Variants in MCM2 observed in about 807,000 individuals in gnomAD.
MCM2 encodes the protein minichromosome maintenance complex component 2, also known as DNA replication licensing factor MCM2.
Under a neutral mutation model 86.4 loss-of-function variants are expected in MCM2, and 49 were observed. The observed-to-expected ratio is 0.57, with a 90% CI of 0.45 to 0.72. MCM2 has a LOEUF of 0.72. MCM2 is among the 30% of genes least tolerant of loss of function. The pLI is 0.00. For synonymous variants in MCM2, 475 were observed against 484.6 expected, an observed-to-expected ratio of 0.98 and a Z score of 0.26; for missense variants, 1,038 against 1,259.9, an observed-to-expected ratio of 0.82 and a Z score of 2.67.
At chr3:127,603,592 C>A (rs2074321844) in intron 2 of MCM2, among the ~76,000 whole-genome samples, 1 of 152,158 alleles carries the variant, frequency 6.6e-6, no homozygotes, top group African/African-American at 2.4e-5. Context: ...CTCAAGCAAT[C>A]CTCCCAGCTC....
Position 127,621,108 on chromosome 3 carries a change from CAAT to C in MCM2, c.2485_2487del (p.Asn829del), listed in dbSNP as rs774812521. ...GCTACCTTTCATTCCGGCGTGACAA[CAAT>C]GAGCTGTTGCTCTTCATACTGAAGC... is the stretch of plus-strand genomic sequence containing the variant. On this transcript the variant is annotated inframe_deletion, in exon 15 of 16. Coordinates refer to ENST00000265056, the MANE Select transcript of MCM2 (RefSeq NM_004526.4). 1.6e-5 allele frequency: 26 copies of C among 1,614,120 alleles called. No individual in the cohort carries two copies. In the Admixed American group the frequency reaches 1.7e-4, roughly 10 times the overall value.
intron 2 of MCM2, among the ~76,000 whole-genome samples, chr3:127,600,145 G>A (rs2074296965): frequency 6.6e-6 from 1 of 152,192 alleles, no homozygotes; most frequent in South Asian, 2.1e-4. Context: ...GCTGTGCATG[G>A]TGGTGCGTGC....
rs1179846371 is a variant in MCM2, at chr3:127,619,153, C to A, written c.2140C>A (p.Pro714Thr). The part of the protein sequence containing the change: ...PAMPNTYGVE[P>T]LPQEVLKKYI... ...CATGCCCAACACGTATGGCGTGGAG[C>A]CCCTGCCCCAGGAGGTCCTGAAGAA... is the stretch of plus-strand genomic sequence containing the variant. Residue 714 changes from proline to threonine, a missense_variant, in exon 13 of 16, where the codon CCC becomes ACC. By Grantham distance (38) the Pro-to-Thr change is conservative (BLOSUM62 -1). Coordinates refer to ENST00000265056, the MANE Select transcript of MCM2 (RefSeq NM_004526.4). 2 of 1,614,030 alleles carry A rather than the reference C, an allele frequency of 1.2e-6. No homozygotes were observed. The highest frequency in any genetic ancestry group is 1.7e-6 in the Non-Finnish European group (2 of 1,180,048).
Position 127,606,170 on chromosome 3 carries a change from C to T in MCM2, c.726C>T (p.His242=), listed in dbSNP as rs371226878. The change falls in exon 5 of 16, where the codon CAC becomes CAT. Residue 242 remains histidine, a synonymous_variant. Coordinates refer to ENST00000265056, the MANE Select transcript of MCM2 (RefSeq NM_004526.4). This position sits in a 1 kb window ranked among gnomAD's most constrained non-coding sequence, Gnocchi z 4.2. ...VNYEDLAARE[H]VLAYFLPEAP... ...ATGAGGACTTGGCAGCCAGGGAGCA[C>T]GTGCTGGCCTACTTCCTGCCTGAGG... 3.5e-5 allele frequency: 57 copies of T among 1,614,074 alleles called. No homozygotes were observed. Among genetic ancestry groups the T allele is most frequent in the Admixed American group, 3.3e-4 (20 of 60,002 alleles).
Position 127,604,914 on chromosome 3 carries a change from A to C in MCM2, c.431A>C (p.Glu144Ala). Residue 144 changes from glutamate to alanine, a missense_variant, in exon 4 of 16, where the codon GAG (glutamate) becomes GCG (alanine). Glu to Ala is a moderately radical substitution (Grantham distance 107). Transcript: ENST00000265056. ...TCCCCAGACAGCGATGAGGAGGACG[A>C]GGAGCGCCCTGCCCGCAAGCGCCGC... ...GLLYDSDEED[E>A]ERPARKRRQV... 6.2e-7 allele frequency: 1 copy of C among 1,612,548 alleles called. No homozygotes were observed. Among genetic ancestry groups the C allele is most frequent in the Non-Finnish European group, 8.5e-7 (1 of 1,179,334 alleles).
chr3:127,616,657 A>G (rs1030988867), intron 9 of MCM2, among the ~76,000 whole-genome samples: 3 of 152,226 alleles, frequency 2.0e-5, no homozygotes, highest in Non-Finnish European at 1.5e-5. Context: ...CGCCAAGGAC[A>G]TCTCGTGCAA....
intron 7 of MCM2, 146 bp from the exon 8 acceptor site, chr3:127,608,686 G>T: frequency 8.5e-7 from 1 of 1,180,392 alleles, no homozygotes; most frequent in Non-Finnish European, 1.2e-6. Context: ...TTGTTGGAAT[G>T]GTGGGTTTAG....
chr3:127,619,116 T>C lies in MCM2; in HGVS notation c.2103T>C (p.Ala701=). ...AGGAGGGGCTGGCCAATGGCAGCGC[T>C]GCTGAGCCCGCCATGCCCAACACGT... ...KEEEGLANGS[A]AEPAMPNTYG... The change falls in exon 13 of 16, where the codon GCT becomes GCC. Residue 701 remains alanine (A), a synonymous_variant. Transcript: ENST00000265056. 2 of 1,613,406 alleles carry C rather than the reference T, an allele frequency of 1.2e-6. No individual in the cohort carries two copies. The highest frequency in any genetic ancestry group is 1.3e-5 in the African/African-American group (1 of 75,034).
At chr3:127,620,615 C>A in intron 13 of MCM2, 83 bp from the exon 14 acceptor site, 1 of 1,431,230 alleles carries the variant, frequency 7.0e-7, no homozygotes, top group African/African-American at 1.4e-5. Context: ...CTTCTTGGCT[C>A]TGGGTGCTAA....
At position 127,618,989 on chromosome 3, in the gene MCM2, A is replaced by C; in HGVS notation, c.2014-38A>C. The C allele has an allele frequency of 6.5e-7, 1 of 1,534,620 alleles. No individual in the cohort carries two copies. Among genetic ancestry groups the C allele is most frequent in the South Asian group, 1.3e-5 (1 of 79,896 alleles). ...CACTGACCTCCCCAAAGCCACGCAC[A>C]CCCACAATCAGACCCACCCTCTCAT... On this transcript the variant is annotated intron_variant, in intron 12 of 15. Coordinates refer to ENST00000265056, the MANE Select transcript of MCM2 (RefSeq NM_004526.4). This position sits in a 1 kb window ranked among gnomAD's most constrained non-coding sequence, Gnocchi z 4.0.
Position 127,605,168 on chromosome 3 carries a change from C to T in MCM2, c.673+12C>T, listed in dbSNP as rs957983074. ...CGACATGTGCAAAGGTGTGGCTTCC[C>T]TACGCCCCCGCCTCAGCCCCTGTAG... On this transcript the variant is annotated intron_variant, in intron 4 of 15. Coordinates refer to ENST00000265056, the MANE Select transcript of MCM2 (RefSeq NM_004526.4). 1.2e-6 allele frequency: 2 copies of T among 1,608,934 alleles called. No individual in the cohort carries two copies. The highest frequency in any genetic ancestry group is 4.5e-5 in the East Asian group (2 of 44,736).
rs572919483 is a variant in MCM2, at chr3:127,604,747, C to G, written c.376C>G (p.Arg126Gly). 2 of 1,606,892 alleles carry G rather than the reference C, an allele frequency of 1.2e-6. No individual in the cohort carries two copies. The highest frequency in any genetic ancestry group is 2.2e-5 in the East Asian group (1 of 44,640). The change falls in exon 3 of 16, where the codon CGG becomes GGG. Residue 126 changes from arginine (R) to glycine (G), a missense_variant. By Grantham distance (125) the Arg-to-Gly change is moderately radical. Around this residue, in one of 4 missense-constraint regions of MCM2, gnomAD observed 300 missense variants for 307.4 expected, o/e 0.98. Coordinates refer to ENST00000265056, the MANE Select transcript of MCM2 (RefSeq NM_004526.4). ...AMRQRDREAGRGLGRMRRGLL... is the reference protein window; with the variant it reads ...AMRQRDREAGGGLGRMRRGLL... The stretch of plus-strand genomic sequence containing the variant: ...GCGGCAGCGTGACCGGGAGGCTGGC[C>G]GGGGCCTGGGCCGCATGCGCCGTGG...
intron 13 of MCM2, 122 bp downstream of exon 13, chr3:127,619,400 TAAAA>T (rs569043616): frequency 1.9e-6 from 2 of 1,068,008 alleles, no homozygotes; most frequent in Non-Finnish European, 2.5e-6. Flanking sequence ...AGGGAGGCAT[TAAAA>T]AAAAAATGTA....
At chr3:127,611,228 G>T (rs1463791430) in intron 8 of MCM2, among the ~76,000 whole-genome samples, 1 of 152,166 alleles carries the variant, frequency 6.6e-6, no homozygotes, top group Admixed American at 6.5e-5. Flanking sequence ...TTCAGGCTTG[G>T]GTGGACTTGG....
At chr3:127,609,698 A>C (rs2074378347) in intron 8 of MCM2, among the ~76,000 whole-genome samples, 1 of 152,070 alleles carries the variant, frequency 6.6e-6, no homozygotes, top group Admixed American at 6.6e-5. Context: ...ACTTAAACAG[A>C]ACGTTAAATT....
chr3:127,601,012 C>T (rs577257540), intron 2 of MCM2, among the ~76,000 whole-genome samples: 3 of 152,234 alleles, frequency 2.0e-5, no homozygotes, highest in South Asian at 2.1e-4. Flanking sequence ...AGAACAGGGC[C>T]GTTTTCCCAT....
rs1340122155 is a variant in MCM2, at chr3:127,598,455, C to G, written c.-12C>G. The G allele has an allele frequency of 2.5e-6, 4 of 1,613,396 alleles. No homozygotes were observed. The highest frequency in any genetic ancestry group is 3.4e-6 in the Non-Finnish European group (4 of 1,179,562). On this transcript the variant is annotated 5_prime_UTR_variant, in exon 1 of 16. The change creates a new upstream start codon in the 5' untranslated region. Coordinates refer to ENST00000265056, the MANE Select transcript of MCM2 (RefSeq NM_004526.4). Reference sequence around the variant, plus strand: ...TTGTTGCTGTAGTGGCGGAGAGGATCGTGGTACTGCTATGGCGGTGAGCGC... The same window carrying G: ...TTGTTGCTGTAGTGGCGGAGAGGATGGTGGTACTGCTATGGCGGTGAGCGC...
Position 127,606,941 on chromosome 3 carries a change from G to A in MCM2, c.1101+124G>A. The A allele has an allele frequency of 1.1e-6, 1 of 946,840 alleles. No homozygotes were observed. Among genetic ancestry groups the A allele is most frequent in the Non-Finnish European group, 1.6e-6 (1 of 613,056 alleles). 58.7% of individuals were successfully genotyped at this position (946,840 alleles called of 1,614,324 possible). On this transcript the variant is annotated intron_variant, in intron 6 of 15. Transcript: ENST00000265056. This position sits in a 1 kb window ranked among gnomAD's most constrained non-coding sequence, Gnocchi z 4.2. ...GCCGCAAGAAGCAAGATAGAATTGTGTGTTGGCCACACCCTGGGGTGGACC... is the reference window on the plus strand; with the variant it reads ...GCCGCAAGAAGCAAGATAGAATTGTATGTTGGCCACACCCTGGGGTGGACC...
In MCM2 at chr3:127,617,411, G is replaced by A; in HGVS notation, c.1900+6G>A. The A allele has an allele frequency of 6.2e-7, 1 of 1,612,710 alleles. No homozygotes were observed. Among genetic ancestry groups the A allele is most frequent in the Non-Finnish European group, 8.5e-7 (1 of 1,179,452 alleles). The stretch of plus-strand genomic sequence containing the variant: ...TGCTGCCGCCAACCCCATAGGTGCA[G>A]CAGGCACCCTGACTGCTGGGGCTGG... On this transcript the variant is annotated splice_donor_region_variant and intron_variant, in intron 11 of 15. Transcript: ENST00000265056. This position sits in a 1 kb window ranked among gnomAD's most constrained non-coding sequence, Gnocchi z 4.1.
Sources: gnomAD v4.1 joint callset for allele counts (sites outside exome capture counted in the v4.1 genomes callset) on GRCh38, gnomAD v4.1.1 for gene constraint, gnomAD v4.1.1 regional missense constraint, Gnocchi (gnomAD v3.1) non-coding constraint, MANE v1.5 for transcripts, NCBI Gene and HGNC (gene_info 2026-07-23, HGNC 2026-07-21) for gene names.